The following ZNF75A variants were observed in gnomAD, a reference collection of about 807,000 sequenced individuals.
The protein encoded by ZNF75A is zinc finger protein 75A.
ZNF75A carries 36 observed loss-of-function variants against 46.3 expected under a neutral mutation model. The ratio of observed to expected loss-of-function variants is 0.78; its 90% CI spans 0.60 to 1.03. ZNF75A has a LOEUF of 1.03. ZNF75A is among the 50% of genes least tolerant of loss of function. ZNF75A has a pLI of 0.00. For synonymous variants in ZNF75A, 234 were observed against 189.9 expected (o/e 1.23, Z -1.91); for missense variants, 595 against 551.3 (o/e 1.08, Z -0.79).
At chr16:3,312,877 C>T in intron 4 of ZNF75A, 109 bp downstream of exon 4, 1 of 1,163,756 alleles carries the variant, frequency 8.6e-7, no homozygotes, top group Non-Finnish European at 1.2e-6. Flanking sequence ...CTCTGGGCAA[C>T]TGGGTACCTC....
rs780372801 is a variant in ZNF75A, at chr16:3,313,097, T to G, written c.745T>G (p.Trp249Gly). ...GGCCATGTATTTTTCCCAGGAAGAA[T>G]GGGAGTTATTGGATCCCACTCAGAA... The part of the protein sequence containing the change: ...EVAMYFSQEE[W>G]ELLDPTQKAL... Residue 249 changes from tryptophan (W) to glycine (G), a missense_variant, in exon 5 of 7, where the codon TGG becomes GGG. Physicochemically the swap from Trp to Gly is radical, Grantham distance 184. Coordinates refer to ENST00000669516, the MANE Select transcript of ZNF75A (RefSeq NM_001302109.2). The G allele has an allele frequency of 1.6e-5, 26 of 1,614,004 alleles. No individual in the cohort carries two copies. Among genetic ancestry groups the G allele is most frequent in the Non-Finnish European group, 2.2e-5 (26 of 1,179,934 alleles).
At position 3,313,857 on chromosome 16, in the gene ZNF75A, C is replaced by G. The variant is rs957056225; in HGVS notation, c.823+682C>G. On this transcript the variant is annotated intron_variant, in intron 5 of 6. Transcript: ENST00000669516. ...TCTGGTTCCTGCTCATCTGTCTGCC[C>G]TCATTTGCTACTGAAGCCCTTGCTC... Among the ~76,000 whole-genome samples the G allele has an allele frequency of 2.0e-5, 3 of 152,184 alleles. No homozygotes were observed. The South Asian group carries it at 6.2e-4, about 32-fold the overall frequency.
At chr16:3,308,990 C>A in intron 2 of ZNF75A, 154 bp downstream of exon 2, 1 of 289,132 alleles carries the variant, frequency 3.5e-6, no homozygotes, top group Non-Finnish European at 5.2e-6. Flanking sequence ...AAACTACAGG[C>A]CCACAGAAAA....
At chr16:3,323,017 C>T (rs2030002868), downstream of ZNF75A, 2 of 749,542 alleles carry the variant, frequency 2.7e-6, no homozygotes, top group African/African-American at 3.8e-5. Flanking sequence ...ATGAGAGGTA[C>T]TTGCCATGAA....
rs1269042365 is a variant in ZNF75A, at chr16:3,311,012, A to G, written c.409-741A>G. On this transcript the variant is annotated intron_variant, in intron 2 of 6. Transcript: ENST00000669516. ...CATTCTCTGAAAACCTTCGCTGGCT[A>G]TAGGGATAATCAGGCTGACAGGAAA... The G allele has an allele frequency of 7.8e-6, 7 of 895,466 alleles. No homozygotes were observed. In the East Asian group the frequency reaches 3.6e-4, roughly 46 times the overall value. 55.5% of individuals were successfully genotyped at this position (895,466 alleles called of 1,614,324 possible).
chr16:3,314,623 C>CT (rs1282400377), intron 5 of ZNF75A: 637 of 948,538 alleles, frequency 6.7e-4, no homozygotes, highest in South Asian at 8.8e-4. Context: ...GGGCCCCCGC[C>CT]TTTTTTTTTC....
At chr16:3,316,799 A>G in intron 5 of ZNF75A, 113 bp from the exon 6 acceptor site, 2 of 692,196 alleles carry the variant, frequency 2.9e-6, no homozygotes, top group Non-Finnish European at 5.0e-6. Flanking sequence ...CCATTTAACC[A>G]TTTGGAGTAA....
intron 4 of ZNF75A, 58 bp downstream of exon 4, chr16:3,312,826 C>A (rs545250081): frequency 5.0e-6 from 6 of 1,191,300 alleles, no homozygotes; most frequent in Non-Finnish European, 5.4e-6. Flanking sequence ...ATGATTAATA[C>A]TGTCCAGGAG....
Position 3,318,598 on chromosome 16 carries a change from A to T in ZNF75A, c.*729A>T, listed in dbSNP as rs755746879. 7.1e-6 allele frequency: 7 copies of T among 985,486 alleles called. No individual in the cohort carries two copies. The highest frequency in any genetic ancestry group is 7.2e-6 in the Non-Finnish European group (6 of 829,938). 61.0% of individuals were successfully genotyped at this position (985,486 alleles called of 1,614,324 possible). A position where few individuals can be genotyped will look rare whatever the true frequency, so the allele number is the denominator to read the frequency against. ...TTAATCCCTGCCTTGCAATGTCAGT[A>T]GGATAAAGCAGCTATAAAAATTAGT... On this transcript the variant is annotated 3_prime_UTR_variant, in exon 7 of 7. Transcript: ENST00000669516.
chr16:3,306,942 T>C (rs1960311745), intron 1 of ZNF75A: 1 of 151,808 alleles, frequency 6.6e-6, no homozygotes, highest in African/African-American at 2.4e-5. Flanking sequence ...AGTTCATAAG[T>C]TTTAAATAAC....
chr16:3,306,268 C>T (rs185992348), intron 1 of ZNF75A: 2 of 152,230 alleles, frequency 1.3e-5, no homozygotes, highest in East Asian at 3.9e-4. Flanking sequence ...TTCATCGTCA[C>T]CAACTCCTGT....
chr16:3,310,153 T>C (rs993544597), intron 2 of ZNF75A, among the ~76,000 whole-genome samples: 1 of 152,090 alleles, frequency 6.6e-6, no homozygotes, highest in Middle Eastern at 3.4e-3. Flanking sequence ...CTCAGCACTT[T>C]GGGAGGCTGA....
chr16:3,323,283 T>G, downstream of ZNF75A: 1 of 870,564 alleles, frequency 1.1e-6, no homozygotes, highest in Non-Finnish European at 1.9e-6. Flanking sequence ...GGTAGCATGA[T>G]GGACCACTGA....
intron 5 of ZNF75A, among the ~76,000 whole-genome samples, chr16:3,314,230 T>A (rs2150819524): frequency 6.6e-6 from 1 of 152,218 alleles, no homozygotes; most frequent in Non-Finnish European, 1.5e-5. Flanking sequence ...AGAATCAGGA[T>A]TTTCTGTATT....
At position 3,315,760 on chromosome 16, in the gene ZNF75A, G is replaced by A. The variant is rs147346582; in HGVS notation, c.824-1152G>A. On this transcript the variant is annotated intron_variant, in intron 5 of 6. Transcript: ENST00000669516. ...GATTTTTTGAAAACCTGATCAGATCGTTGCATTTCCTTGTTTCAGAAGCCT... is the reference window on the plus strand; with the variant it reads ...GATTTTTTGAAAACCTGATCAGATCATTGCATTTCCTTGTTTCAGAAGCCT... 3.5e-3 allele frequency among the ~76,000 whole-genome samples: 537 copies of A among 152,256 alleles called. 8 individuals carry two copies. The highest frequency in any genetic ancestry group is 0.012 in the African/African-American group (508 of 41,542).
chr16:3,313,171 T>C lies in ZNF75A; in HGVS notation c.819T>C (p.Ser273=). Reference sequence around the variant, plus strand: ...AGGAAAACTATGAGACTGTCATCTCTCTAGGTAAAGATTTTCCCTTCCCTT... The same window carrying C: ...AGGAAAACTATGAGACTGTCATCTCCCTAGGTAAAGATTTTCCCTTCCCTT... ...VMQENYETVI[S]LALFVLPKPK... Residue 273 remains serine (S), a synonymous_variant, in exon 5 of 7, where the codon TCT becomes TCC. Transcript: ENST00000669516. The C allele has an allele frequency of 6.2e-7, 1 of 1,613,496 alleles. No homozygotes were observed. Among genetic ancestry groups the C allele is most frequent in the South Asian group, 1.1e-5 (1 of 91,002 alleles).
downstream of ZNF75A, chr16:3,323,247 T>C: frequency 1.3e-6 from 1 of 782,730 alleles, no homozygotes; most frequent in Non-Finnish European, 2.3e-6. Context: ...TGTGCCCATC[T>C]CCTTGAGGAA....
At chr16:3,313,243 G>C in intron 5 of ZNF75A, 68 bp downstream of exon 5, 1 of 1,523,176 alleles carries the variant, frequency 6.6e-7, no homozygotes, top group South Asian at 1.2e-5. Flanking sequence ...AGGAACCCCA[G>C]TGAGGGGTGT....
Position 3,317,982 on chromosome 16 carries a change from G to A in ZNF75A, c.*113G>A, listed in dbSNP as rs2150832665. 1 of 1,445,546 alleles carries A rather than the reference G, an allele frequency of 6.9e-7. No homozygotes were observed. The highest frequency in any genetic ancestry group is 1.4e-5 in the African/African-American group (1 of 70,120). 89.5% of individuals were successfully genotyped at this position (1,445,546 alleles called of 1,614,324 possible). On this transcript the variant is annotated 3_prime_UTR_variant, in exon 7 of 7. Coordinates refer to ENST00000669516, the MANE Select transcript of ZNF75A (RefSeq NM_001302109.2). ...CTTGAAAAATTTTACATCAGAAAAT[G>A]GGATAAACATACATTTCACAGAAAA...
Sources: gnomAD v4.1 joint callset for allele counts (sites outside exome capture counted in the v4.1 genomes callset) on GRCh38, gnomAD v4.1.1 for gene constraint, MANE v1.5 for transcripts, NCBI Gene and HGNC (gene_info 2026-07-23, HGNC 2026-07-21) for gene names.